ARID1B: variants seen among roughly 807,000 people sequenced by gnomAD.
ARID1B encodes the protein AT-rich interactive domain-containing protein 1B.
A neutral mutation model predicts 212.3 loss-of-function variants in ARID1B; 30 were observed. The observed-to-expected ratio is 0.14, with a 90% CI of 0.11 to 0.19. ARID1B has a LOEUF of 0.19. Among genes scored for constraint, ARID1B ranks in the 10% least tolerant of loss-of-function variants. The probability of loss-of-function intolerance (pLI) is 1.00; values close to 1 mark genes in which losing one functional copy is unlikely to be tolerated. For synonymous variants in ARID1B, 1,402 were observed against 1,301.7 expected, an observed-to-expected ratio of 1.08 and a Z score of -1.66; for missense variants, 2,891 against 3,204.0, an observed-to-expected ratio of 0.90 and a Z score of 2.36.
chr6:157,143,463 C>T (rs1300095769), intron 7 of ARID1B, among the ~76,000 whole-genome samples: 1 of 147,398 alleles, frequency 6.8e-6, no homozygotes, highest in Non-Finnish European at 1.5e-5. Context: ...CATTTTTCAC[C>T]CCATGCACAC....
chr6:157,115,583 C>T (rs1211236000), intron 6 of ARID1B, among the ~76,000 whole-genome samples: 3 of 152,086 alleles, frequency 2.0e-5, no homozygotes, highest in African/African-American at 7.2e-5. Flanking sequence ...CCCGCCACCA[C>T]GCCCGGCTAA....
In ARID1B at chr6:156,935,537, C is replaced by T. The variant is rs149931590; in HGVS notation, c.2208C>T (p.Asp736=). 5 of 1,613,556 alleles carry T rather than the reference C, an allele frequency of 3.1e-6. No homozygotes were observed. The highest frequency in any genetic ancestry group is 4.2e-6 in the Non-Finnish European group (5 of 1,179,712). Residue 736 remains aspartate, a synonymous_variant, in exon 4 of 20, where the codon GAC becomes GAT. Coordinates refer to ENST00000636930, the MANE Select transcript of ARID1B (RefSeq NM_001374828.1). The stretch of plus-strand genomic sequence containing the variant: ...CCCCCGGAAAACCTAACCATGAAGA[C>T]TTGAACTTAATACAGCAAGAAAGAC... ...PLAPGKPNHE[D]LNLIQQERPS...
At chr6:157,020,129 GACATA>G (rs2128470964) in intron 4 of ARID1B, among the ~76,000 whole-genome samples, 1 of 152,282 alleles carries the variant, frequency 6.6e-6, no homozygotes, top group African/African-American at 2.4e-5. Context: ...GGAGGGAATA[GACATA>G]ACAAGCAAAT....
At chr6:156,941,994 G>A (rs1344119082) in intron 4 of ARID1B, 1 of 152,130 alleles carries the variant, frequency 6.6e-6, no homozygotes, top group Non-Finnish European at 1.5e-5. Context: ...TTAAGAATTT[G>A]TTTAATTTTT....
chr6:157,154,683 A>T (rs1347253857), intron 8 of ARID1B, among the ~76,000 whole-genome samples: 1 of 143,836 alleles, frequency 7.0e-6, no homozygotes, highest in Non-Finnish European at 1.5e-5. Flanking sequence ...GGTTCAAGTG[A>T]TTCTCCTGCC....
intron 1 of ARID1B, among the ~76,000 whole-genome samples, chr6:156,790,030 G>A (rs751155089): frequency 2.0e-5 from 3 of 152,132 alleles, no homozygotes; most frequent in Non-Finnish European, 4.4e-5. Flanking sequence ...AGAGCAAATA[G>A]GTTTATATTT....
rs1282942992 is a variant in ARID1B, at chr6:157,206,945, C to T, written c.6173C>T (p.Ala2058Val). The change falls in exon 20 of 20, where the codon GCG becomes GTG. Residue 2058 changes from alanine (A) to valine (V), a missense_variant. By Grantham distance (64) the Ala-to-Val change is moderately conservative. Coordinates refer to ENST00000636930, the MANE Select transcript of ARID1B (RefSeq NM_001374828.1). This position sits in a 1 kb window ranked among gnomAD's most constrained non-coding sequence, Gnocchi z 6.8. ...GACGAGACTCCTCTGTGTACCATCG[C>T]GCACTGGCAGGACTCGCTGGCTAAG... ...SRDETPLCTI[A>V]HWQDSLAKRC... The T allele has an allele frequency of 5.0e-6, 8 of 1,614,030 alleles. No individual in the cohort carries two copies. The highest frequency in any genetic ancestry group is 2.2e-5 in the East Asian group (1 of 44,886).
intron 4 of ARID1B, among the ~76,000 whole-genome samples, chr6:156,973,841 T>C (rs1777079697): frequency 6.6e-6 from 1 of 152,234 alleles, no homozygotes; most frequent in Non-Finnish European, 1.5e-5. Flanking sequence ...TTTATTGGCA[T>C]ATATCATTCT....
chr6:156,953,094 T>C (rs547405015), intron 4 of ARID1B, among the ~76,000 whole-genome samples: 26 of 152,350 alleles, frequency 1.7e-4, no homozygotes, highest in African/African-American at 5.3e-4. Flanking sequence ...TATGCACTTA[T>C]TATTATTTTT....
intron 3 of ARID1B, among the ~76,000 whole-genome samples, chr6:156,921,668 T>G (rs1360145612): frequency 6.6e-6 from 1 of 152,210 alleles, no homozygotes; most frequent in Non-Finnish European, 1.5e-5. Flanking sequence ...GGGGAAGAGA[T>G]AATTTAGTAG....
intron 6 of ARID1B, among the ~76,000 whole-genome samples, chr6:157,118,840 A>C (rs931172614): frequency 2.0e-5 from 3 of 152,256 alleles, no homozygotes; most frequent in Admixed American, 6.5e-5. Context: ...GAAGTTTTAG[A>C]ACATTTTAAA....
At chr6:156,923,754 G>A (rs913399880) in intron 3 of ARID1B, among the ~76,000 whole-genome samples, 2 of 151,170 alleles carry the variant, frequency 1.3e-5, no homozygotes, top group Non-Finnish European at 1.5e-5. Flanking sequence ...GCCCAGGCTG[G>A]AGTGCAGTGG....
intron 15 of ARID1B, chr6:157,194,352 C>T (rs766201957): frequency 1.1e-4 from 17 of 152,188 alleles, no homozygotes; most frequent in Non-Finnish European, 2.4e-4. Flanking sequence ...AAGCACATTG[C>T]AAAGGAAAAT....
chr6:156,970,395 T>C (rs1776850023), intron 4 of ARID1B, among the ~76,000 whole-genome samples: 1 of 152,216 alleles, frequency 6.6e-6, no homozygotes, highest in Non-Finnish European at 1.5e-5. Context: ...GCTTTGACTT[T>C]TTAAATAAAA....
intron 2 of ARID1B, among the ~76,000 whole-genome samples, chr6:156,837,872 C>T (rs936637772): frequency 6.6e-6 from 1 of 152,108 alleles, no homozygotes; most frequent in Non-Finnish European, 1.5e-5. Context: ...CAGTTGGACT[C>T]AAGTTTAGAA....
At chr6:156,928,062 A>G (rs570677469) in intron 3 of ARID1B, among the ~76,000 whole-genome samples, 1 of 152,298 alleles carries the variant, frequency 6.6e-6, no homozygotes, top group African/African-American at 2.4e-5. Context: ...AAAGGCACCG[A>G]GGAGCAGTGG....
At chr6:156,998,331 C>A (rs1377212907) in intron 4 of ARID1B, among the ~76,000 whole-genome samples, 1 of 151,936 alleles carries the variant, frequency 6.6e-6, no homozygotes, top group African/African-American at 2.4e-5. Flanking sequence ...AGCGATTCTC[C>A]TGCCTCAGCC....
chr6:157,128,857 A>G (rs1788338827), intron 6 of ARID1B, among the ~76,000 whole-genome samples: 1 of 152,288 alleles, frequency 6.6e-6, no homozygotes, highest in African/African-American at 2.4e-5. Flanking sequence ...CTCTGAAAGA[A>G]TACATTGAAA....
At chr6:157,023,513 T>A (rs1044344922) in intron 4 of ARID1B, 3 of 152,232 alleles carry the variant, frequency 2.0e-5, no homozygotes, top group African/African-American at 7.2e-5. Context: ...AACAGTGTAA[T>A]AAGGGTTGAG....
Sources: gnomAD v4.1 joint callset for allele counts (sites outside exome capture counted in the v4.1 genomes callset) on GRCh38, gnomAD v4.1.1 for gene constraint, Gnocchi (gnomAD v3.1) non-coding constraint, MANE v1.5 for transcripts, NCBI Gene and HGNC (gene_info 2026-07-23, HGNC 2026-07-21) for gene names.